PALM2AKAP2: variants seen among roughly 807,000 people sequenced by gnomAD.
The protein encoded by PALM2AKAP2 is PALM2 and AKAP2 fusion.
Under a neutral mutation model 71.5 loss-of-function variants are expected in PALM2AKAP2, and 37 were observed. That is an observed-to-expected ratio of 0.52 (90% confidence interval 0.40 to 0.68). The LOEUF (loss-of-function observed/expected upper bound fraction) is 0.68, where lower values mean the gene tolerates loss of function less well. PALM2AKAP2 is among the 30% of genes least tolerant of loss of function. The probability of loss-of-function intolerance (pLI) is 0.00; values close to 1 mark genes in which losing one functional copy is unlikely to be tolerated. For missense variants in PALM2AKAP2, 1,224 were observed against 1,191.8 expected (o/e 1.03, Z -0.40); for synonymous variants, 468 against 478.8 (o/e 0.98, Z 0.29).
chr9:109,670,867 T>A (rs1005699415), intron 1 of PALM2AKAP2, among the ~76,000 whole-genome samples: 1 of 152,206 alleles, frequency 6.6e-6, no homozygotes, highest in African/African-American at 2.4e-5. Context: ...TCTCTAATAA[T>A]CAGTGATGTT....
rs1830922626 is a variant in PALM2AKAP2, at chr9:109,925,043, T to C, written c.373-18T>C. On this transcript the variant is annotated intron_variant, in intron 4 of 9. Transcript: ENST00000302798. ...CCCACATGTAGAGTAACGCTCTGCCTTGTTTTTGTTCCTACAGGGTTTCTC... is the reference window on the plus strand; with the variant it reads ...CCCACATGTAGAGTAACGCTCTGCCCTGTTTTTGTTCCTACAGGGTTTCTC... 8 of 1,614,006 alleles carry C rather than the reference T, an allele frequency of 5.0e-6. No homozygotes were observed. The South Asian group carries it at 7.7e-5, about 16-fold the overall frequency.
At chr9:110,053,254 G>A (rs761925096) in intron 1 of PALM2AKAP2, among the ~76,000 whole-genome samples, 3 of 152,106 alleles carry the variant, frequency 2.0e-5, no homozygotes, top group Non-Finnish European at 2.9e-5. Flanking sequence ...CGCCAGGCGC[G>A]GTGGCTTACA....
chr9:109,651,089 G>A (rs12379869), intron 1 of PALM2AKAP2, among the ~76,000 whole-genome samples: 4 of 152,098 alleles, frequency 2.6e-5, no homozygotes, highest in Non-Finnish European at 4.4e-5. Flanking sequence ...ATGAGGCTGT[G>A]CTTTGTGCCC....
At chr9:110,093,729 C>G (rs1371481898) in intron 1 of PALM2AKAP2, among the ~76,000 whole-genome samples, 1 of 152,152 alleles carries the variant, frequency 6.6e-6, no homozygotes, top group Non-Finnish European at 1.5e-5. Context: ...TGTTTGTAGT[C>G]TGGAAGGCAT....
chr9:110,108,773 C>CA (rs1835173617), intron 1 of PALM2AKAP2, among the ~76,000 whole-genome samples: 1 of 151,700 alleles, frequency 6.6e-6, no homozygotes, highest in African/African-American at 2.4e-5. Flanking sequence ...GTTAAAATGG[C>CA]AAAATTTAAG....
intron 1 of PALM2AKAP2, among the ~76,000 whole-genome samples, chr9:109,856,754 G>GAAATGTTC (rs1463088296): frequency 6.6e-6 from 1 of 152,124 alleles, no homozygotes; most frequent in Non-Finnish European, 1.5e-5. Flanking sequence ...ATATAGATCA[G>GAAATGTTC]AAATGTTCAC....
At chr9:110,007,207 A>G (rs551232205) in intron 6 of PALM2AKAP2, among the ~76,000 whole-genome samples, 14 of 152,352 alleles carry the variant, frequency 9.2e-5, no homozygotes, top group African/African-American at 3.4e-4. Context: ...AACTGAGGCC[A>G]TCAGGGCATT....
chr9:109,779,047 G>T (rs1420895519), upstream of PALM2AKAP2, among the ~76,000 whole-genome samples: 3 of 152,166 alleles, frequency 2.0e-5, no homozygotes, highest in Admixed American at 1.3e-4. Flanking sequence ...TGGGATTACA[G>T]GTGTGAGCCA....
At chr9:109,820,962 C>A (rs1393417572) in intron 1 of PALM2AKAP2, among the ~76,000 whole-genome samples, 3 of 152,208 alleles carry the variant, frequency 2.0e-5, no homozygotes, top group Non-Finnish European at 4.4e-5. Flanking sequence ...TGAAGCTTCT[C>A]CCAGCTGGGC....
rs1248338427 is a variant in PALM2AKAP2 at position 110,014,838 on chromosome 9, A to G, written c.497-1116A>G. 6.3e-4 allele frequency among the ~76,000 whole-genome samples: 83 copies of G among 132,576 alleles called. 7 individuals carry two copies. Among genetic ancestry groups the G allele is most frequent in the African/African-American group, 2.2e-3 (78 of 36,008 alleles). The allele number at this position is 132,576 out of a possible 152,430, so 87.0% of individuals were successfully genotyped here. A position where few individuals can be genotyped will look rare whatever the true frequency, so the allele number is the denominator to read the frequency against. ...TATATATATATATATATATATATAT[A>G]TATATATATATATACACACACACAC... On this transcript the variant is annotated intron_variant, in intron 6 of 9. Coordinates refer to the PALM2AKAP2 transcript ENST00000302798.
intron 1 of PALM2AKAP2, among the ~76,000 whole-genome samples, chr9:110,109,637 G>A (rs905388390): frequency 1.3e-5 from 2 of 152,120 alleles, no homozygotes; most frequent in East Asian, 1.9e-4. Context: ...ATTCTGCCGC[G>A]GTATGGGCAG....
intron 1 of PALM2AKAP2, chr9:110,090,158 C>T (rs140532893): frequency 1.3e-4 from 41 of 313,586 alleles, no homozygotes; most frequent in African/African-American, 8.3e-4. Context: ...CGGGCCGGTT[C>T]ACATTGCAGC....
intron 6 of PALM2AKAP2, among the ~76,000 whole-genome samples, chr9:109,978,972 C>A (rs564119319): frequency 8.6e-5 from 13 of 151,764 alleles, no homozygotes; most frequent in Middle Eastern, 3.2e-3. Flanking sequence ...CTCCACAAGC[C>A]TCTCTGCTCC....
At chr9:109,954,007 G>C (rs1831697792) in intron 6 of PALM2AKAP2, among the ~76,000 whole-genome samples, 1 of 152,136 alleles carries the variant, frequency 6.6e-6, no homozygotes, top group Non-Finnish European at 1.5e-5. Flanking sequence ...ACCACCCCCT[G>C]GAGGCTGGGA....
chr9:109,796,994 AGCTG>A (rs1248876471), intron 1 of PALM2AKAP2, among the ~76,000 whole-genome samples: 1 of 152,154 alleles, frequency 6.6e-6, no homozygotes, highest in African/African-American at 2.4e-5. Flanking sequence ...AATAACCTTT[AGCTG>A]GGTACCCTAA....
rs912805267 is a variant in PALM2AKAP2, at chr9:109,836,510, T to G, written c.46-30981T>G. The stretch of plus-strand genomic sequence containing the variant: ...AAGGAATGCAGCTCCTTGCCAGCAA[T>G]GGAACAAAGCTGGACAGAGAATGAC... On this transcript the variant is annotated intron_variant, in intron 1 of 9. Transcript: ENST00000302798. 1.4e-4 allele frequency among the ~76,000 whole-genome samples: 22 copies of G among 152,130 alleles called. 1 individual carries two copies. Among genetic ancestry groups the G allele is most frequent in the Non-Finnish European group, 5.9e-5 (4 of 68,020 alleles).
At chr9:109,761,375 T>A (rs1013232920) in intron 1 of PALM2AKAP2, among the ~76,000 whole-genome samples, 1 of 146,556 alleles carries the variant, frequency 6.8e-6, no homozygotes, top group Non-Finnish European at 1.5e-5. Flanking sequence ...TTTTCAATTT[T>A]ACTTTAAGTT....
intron 6 of PALM2AKAP2, among the ~76,000 whole-genome samples, chr9:109,933,982 C>T (rs1165408326): frequency 1.3e-5 from 2 of 152,150 alleles, no homozygotes; most frequent in Admixed American, 6.5e-5. Context: ...TAGGAATGTC[C>T]TTTTGGAAAT....
chr9:110,074,191 A>G (rs1834268834), intron 1 of PALM2AKAP2, among the ~76,000 whole-genome samples: 1 of 152,236 alleles, frequency 6.6e-6, no homozygotes. Flanking sequence ...TATAATCTTT[A>G]GAAGTCCCAA....
Sources: allele counts gnomAD v4.1 joint callset (sites outside exome capture counted in the v4.1 genomes callset), GRCh38; gene constraint gnomAD v4.1.1; transcripts MANE v1.5; gene names NCBI Gene and HGNC (gene_info 2026-07-23, HGNC 2026-07-21).